The following PSMA1 variants were observed in gnomAD, a reference collection of about 807,000 sequenced individuals.
PSMA1 encodes proteasome 20S subunit alpha 1.
Under a neutral mutation model 38.4 loss-of-function variants are expected in PSMA1, and 3 were observed. That is an observed-to-expected ratio of 0.08 (90% CI 0.04 to 0.20). The LOEUF is 0.20. Ranked by LOEUF, PSMA1 falls within the 10% of genes least tolerant of loss-of-function variation. The probability of loss-of-function intolerance (pLI) is 1.00; values close to 1 mark genes in which losing one functional copy is unlikely to be tolerated. For missense variants in PSMA1, 227 were observed against 325.3 expected, an observed-to-expected ratio of 0.70 and a Z score of 2.32; for synonymous variants, 101 against 107.1, an observed-to-expected ratio of 0.94 and a Z score of 0.35.
chr11:14,594,557 T>A (rs1016415839), intron 2 of PSMA1, among the ~76,000 whole-genome samples: 1 of 152,200 alleles, frequency 6.6e-6, no homozygotes, highest in Non-Finnish European at 1.5e-5. Context: ...GATGAGAATA[T>A]CTGATTTTCT....
intron 2 of PSMA1, among the ~76,000 whole-genome samples, chr11:14,584,503 TTTTG>T (rs1852318929): frequency 6.7e-6 from 1 of 149,370 alleles, no homozygotes; most frequent in African/African-American, 2.5e-5. Context: ...TTTTTTTGTT[TTTTG>T]TTTTTTTTTT....
intron 1 of PSMA1, among the ~76,000 whole-genome samples, chr11:14,618,854 A>C (rs1279617851): frequency 6.6e-6 from 1 of 152,226 alleles, no homozygotes; most frequent in Non-Finnish European, 1.5e-5. Flanking sequence ...ACAGTTTATA[A>C]AGTATTTTTG....
chr11:14,510,970 C>G lies in PSMA1; in HGVS notation c.545-19G>C. On this transcript the variant is annotated intron_variant, in intron 7 of 9. Coordinates refer to ENST00000396394, the MANE Select transcript of PSMA1 (RefSeq NM_002786.4). ...AAATTACCTATATGTAATAAATTAA[C>G]AATTATTTCTTAATTTCATTGTTAT... The G allele has an allele frequency of 7.0e-7, 1 of 1,427,474 alleles. No individual in the cohort carries two copies. The highest frequency in any genetic ancestry group is 2.4e-5 in the East Asian group (1 of 42,378). 88.4% of individuals were successfully genotyped at this position (1,427,474 alleles called of 1,614,324 possible).
At position 14,520,339 on chromosome 11, in the gene PSMA1, G is replaced by A; in HGVS notation, c.-40C>T. ...CCTGGTTGCGGCCTCCAGCAAAACTGAGAATCAAGGAGGTGCTGCCGAAAG... is the reference window on the plus strand; with the variant it reads ...CCTGGTTGCGGCCTCCAGCAAAACTAAGAATCAAGGAGGTGCTGCCGAAAG... On this transcript the variant is annotated 5_prime_UTR_variant, in exon 1 of 10. Transcript: ENST00000396394. 2.5e-6 allele frequency: 4 copies of A among 1,614,240 alleles called. No individual in the cohort carries two copies. The highest frequency in any genetic ancestry group is 1.7e-5 in the Admixed American group (1 of 60,036).
intron 2 of PSMA1, among the ~76,000 whole-genome samples, chr11:14,542,262 A>G (rs545981760): frequency 3.2e-4 from 49 of 152,338 alleles, no homozygotes; most frequent in African/African-American, 1.1e-3. Context: ...CATGATGTTA[A>G]TGATGATGGC....
At chr11:14,530,765 G>A (rs1372708784) in intron 2 of PSMA1, among the ~76,000 whole-genome samples, 2 of 151,952 alleles carry the variant, frequency 1.3e-5, no homozygotes, top group South Asian at 4.1e-4. Flanking sequence ...GGCCAGGTGC[G>A]GTGGTGCACG....
chr11:14,540,195 T>C (rs1851757889), intron 2 of PSMA1, among the ~76,000 whole-genome samples: 1 of 152,200 alleles, frequency 6.6e-6, no homozygotes, highest in Non-Finnish European at 1.5e-5. Flanking sequence ...TGCATTTGCC[T>C]GGCCCACAAA....
intron 2 of PSMA1, among the ~76,000 whole-genome samples, chr11:14,578,073 G>A (rs1188501865): frequency 6.6e-6 from 1 of 151,986 alleles, no homozygotes; most frequent in African/African-American, 2.4e-5. Context: ...GGGGCCTGTT[G>A]GGGGGTTGGG....
rs1381685825 is a variant in PSMA1 at position 14,508,587 on chromosome 11, T to TA, written c.625-822dup. ...AAAAAAAAAAAAAAAACCCAGATTG[T>TA]AGGGGTAAATAGATAGTGGGGCTAT... On this transcript the variant is annotated intron_variant, in intron 8 of 9. Coordinates refer to ENST00000396394, the MANE Select transcript of PSMA1 (RefSeq NM_002786.4). Among the ~76,000 whole-genome samples the TA allele has an allele frequency of 1.0e-3, 10 of 9,728 alleles. 1 individual carries two copies. Among genetic ancestry groups the TA allele is most frequent in the African/African-American group, 2.8e-3 (10 of 3,610 alleles). 6.4% of individuals were successfully genotyped at this position (9,728 alleles called of 152,430 possible).
intron 2 of PSMA1, among the ~76,000 whole-genome samples, chr11:14,529,753 C>T (rs1851625757): frequency 6.6e-6 from 1 of 152,194 alleles, no homozygotes; most frequent in Non-Finnish European, 1.5e-5. Flanking sequence ...AAATATATTT[C>T]ATCTGGCTAT....
intron 2 of PSMA1, among the ~76,000 whole-genome samples, chr11:14,597,127 T>C (rs1447688558): frequency 1.3e-5 from 2 of 152,222 alleles, no homozygotes; most frequent in Non-Finnish European, 1.5e-5. Flanking sequence ...CCTTTTGATG[T>C]GCTGCTGGAT....
intron 2 of PSMA1, among the ~76,000 whole-genome samples, chr11:14,608,595 TTATA>T (rs1852671646): frequency 6.8e-6 from 1 of 148,048 alleles, no homozygotes; most frequent in African/African-American, 2.5e-5. Context: ...AAAAAAAATT[TTATA>T]TATATAAAAT....
chr11:14,614,632 C>G (rs982062203), intron 1 of PSMA1, among the ~76,000 whole-genome samples: 1 of 152,212 alleles, frequency 6.6e-6, no homozygotes, highest in African/African-American at 2.4e-5. Flanking sequence ...TCTAGTTTCT[C>G]AAGCTAGAAA....
At chr11:14,536,554 C>CA (rs1408281556) in intron 2 of PSMA1, among the ~76,000 whole-genome samples, 1 of 151,516 alleles carries the variant, frequency 6.6e-6, no homozygotes, top group East Asian at 1.9e-4. Context: ...GAAAAACAAA[C>CA]AAAAAAACTC....
At position 14,586,197 on chromosome 11, in the gene PSMA1, C is replaced by T. The variant is rs563948612; in HGVS notation, c.21+24769G>A. 3.2e-4 allele frequency among the ~76,000 whole-genome samples: 48 copies of T among 152,152 alleles called. No homozygotes were observed. The South Asian group carries it at 6.4e-3, about 20-fold the overall frequency. On this transcript the variant is annotated intron_variant, in intron 2 of 10. Transcript: ENST00000418988. ...CGGTAATCCTGGCACTTTGGGAGGC[C>T]GAGGCTGGAGGACTACTTGAGGCCA... is the stretch of plus-strand genomic sequence containing the variant.
At chr11:14,639,982 T>C (rs181067281) in intron 1 of PSMA1, among the ~76,000 whole-genome samples, 1 of 152,258 alleles carries the variant, frequency 6.6e-6, no homozygotes, top group East Asian at 1.9e-4. Flanking sequence ...TCTTACTGTC[T>C]TGCTTTCATT....
intron 2 of PSMA1, among the ~76,000 whole-genome samples, chr11:14,547,705 C>A (rs958611830): frequency 6.6e-6 from 1 of 152,152 alleles, no homozygotes; most frequent in Non-Finnish European, 1.5e-5. Context: ...AGCTCAGAGG[C>A]TCTGTGGGGG....
intron 2 of PSMA1, among the ~76,000 whole-genome samples, chr11:14,595,161 G>C (rs1852470886): frequency 6.6e-6 from 1 of 152,162 alleles, no homozygotes; most frequent in South Asian, 2.1e-4. Context: ...ATCATTGATG[G>C]ACATTTGGGT....
At chr11:14,635,189 C>G (rs1853096212) in intron 1 of PSMA1, among the ~76,000 whole-genome samples, 1 of 152,088 alleles carries the variant, frequency 6.6e-6, no homozygotes, top group Non-Finnish European at 1.5e-5. Context: ...TCAGCCATAG[C>G]CATGAAGTTT....
Sources: allele counts gnomAD v4.1 joint callset (sites outside exome capture counted in the v4.1 genomes callset), GRCh38; gene constraint gnomAD v4.1.1; transcripts MANE v1.5; gene names NCBI Gene and HGNC (gene_info 2026-07-23, HGNC 2026-07-21).